Variants in PKNOX2 observed in about 807,000 individuals in gnomAD.
The protein encoded by PKNOX2 is homeobox protein PKNOX2.
Under a neutral mutation model 53.1 loss-of-function variants are expected in PKNOX2, and 14 were observed. The observed-to-expected ratio is 0.26, with a 90% confidence interval of 0.17 to 0.41. The LOEUF (loss-of-function observed/expected upper bound fraction) is 0.41. Among genes scored for constraint, PKNOX2 ranks in the 10% least tolerant of loss-of-function variants. The pLI is 1.00. For missense variants in PKNOX2, 496 were observed against 602.8 expected (o/e 0.82, Z 1.85); for synonymous variants, 257 against 242.8 (o/e 1.06, Z -0.54).
chr11:125,255,312 C>T (rs1207950951), intron 2 of PKNOX2, among the ~76,000 whole-genome samples: 2 of 152,178 alleles, frequency 1.3e-5, no homozygotes, highest in Non-Finnish European at 2.9e-5. Context: ...CGTGATGCCT[C>T]AAGACCCCTC....
At chr11:125,173,573 G>A (rs534727774) in intron 1 of PKNOX2, among the ~76,000 whole-genome samples, 20 of 152,316 alleles carry the variant, frequency 1.3e-4, no homozygotes, top group African/African-American at 4.6e-4. Flanking sequence ...GCAAATGCTG[G>A]GAAGAGCTAC....
intron 1 of PKNOX2, among the ~76,000 whole-genome samples, chr11:125,222,620 TGTATGTGTGTGTGTATGTGTGTGC>T (rs999458822): frequency 2.0e-5 from 3 of 147,760 alleles, no homozygotes; most frequent in African/African-American, 7.4e-5. Flanking sequence ...TGTATGTGTG[TGTATGTGTGTGTGTATGTGTGTGC>T]GTATGTGTGT....
At chr11:125,322,113 C>G (rs1196318372) in intron 2 of PKNOX2, among the ~76,000 whole-genome samples, 1 of 152,116 alleles carries the variant, frequency 6.6e-6, no homozygotes, top group South Asian at 2.1e-4. Flanking sequence ...CAGCCCCTGA[C>G]CTGGCGTCCT....
rs892131356 is a variant in PKNOX2, at chr11:125,283,830, C to T, written c.-129-47989C>T. The stretch of plus-strand genomic sequence containing the variant: ...CAGGATAGAAAGGTGCTTGCTAATT[C>T]GAGGCATTTCTGAAGGTGGGAAATC... On this transcript the variant is annotated intron_variant, in intron 2 of 12. Coordinates refer to ENST00000298282, the MANE Select transcript of PKNOX2 (RefSeq NM_001382323.2). Among the ~76,000 whole-genome samples, 12 of 152,212 alleles carry T rather than the reference C, an allele frequency of 7.9e-5. No homozygotes were observed. The Middle Eastern group carries it at 0.01, about 129-fold the overall frequency.
intron 2 of PKNOX2, among the ~76,000 whole-genome samples, chr11:125,322,901 T>C (rs1482267892): frequency 6.6e-6 from 1 of 152,190 alleles, no homozygotes; most frequent in African/African-American, 2.4e-5. Flanking sequence ...CAGTGAAGCA[T>C]AAACAAAAAG....
intron 7 of PKNOX2, among the ~76,000 whole-genome samples, chr11:125,405,137 C>G (rs921776261): frequency 4.6e-5 from 7 of 151,710 alleles, no homozygotes; most frequent in African/African-American, 1.7e-4. Context: ...CACCCACCCT[C>G]CCACACAATC....
chr11:125,300,056 G>A (rs188870524), intron 2 of PKNOX2, among the ~76,000 whole-genome samples: 13 of 152,336 alleles, frequency 8.5e-5, no homozygotes, highest in Middle Eastern at 3.4e-3. Context: ...TGGAGTCACC[G>A]GCCTGTCAAC....
chr11:125,363,740 G>C (rs1437087306), intron 4 of PKNOX2, among the ~76,000 whole-genome samples: 1 of 152,062 alleles, frequency 6.6e-6, no homozygotes, highest in African/African-American at 2.4e-5. Context: ...CTTGGAGTGG[G>C]TAAGATGAGT....
In PKNOX2 at chr11:125,165,290, A is replaced by T. The variant is rs1954774633; in HGVS notation, c.-201+514A>T. ...GGCGGGCGGGGAGCTGTGCGCCAGG[A>T]GCGCCAGGGGACCCGAGAATAGGAA... On this transcript the variant is annotated intron_variant, in intron 1 of 12. Coordinates refer to ENST00000298282, the MANE Select transcript of PKNOX2 (RefSeq NM_001382323.2). The surrounding 1 kb of genome is among the most constrained non-coding windows in gnomAD (Gnocchi z 4.5). Among the ~76,000 whole-genome samples, 1 of 151,858 alleles carries T rather than the reference A, an allele frequency of 6.6e-6. No individual in the cohort carries two copies. The highest frequency in any genetic ancestry group is 2.4e-5 in the African/African-American group (1 of 41,366).
chr11:125,169,843 C>T (rs1955150404), intron 1 of PKNOX2, among the ~76,000 whole-genome samples: 1 of 152,228 alleles, frequency 6.6e-6, no homozygotes, highest in Non-Finnish European at 1.5e-5. Flanking sequence ...CCTTGCATTA[C>T]ATCCTAGAAT....
Position 125,431,441 on chromosome 11 carries a change from CGGGAGG to C in PKNOX2, c.*50_*55del. ...TCACTGAGCAGGAGAGGAGTGTCGC[CGGGAGG>C]CCTTCAGGGTGGGGGGGAAGGGGAC... On this transcript the variant is annotated 3_prime_UTR_variant, in exon 13 of 13. Coordinates refer to ENST00000298282, the MANE Select transcript of PKNOX2 (RefSeq NM_001382323.2). The C allele has an allele frequency of 1.5e-6, 1 of 687,686 alleles. No homozygotes were observed. The highest frequency in any genetic ancestry group is 1.9e-6 in the Non-Finnish European group (1 of 533,184). The allele number at this position is 687,686 out of a possible 1,614,324, so 42.6% of individuals were successfully genotyped here.
At chr11:125,271,191 A>G (rs565978266) in intron 2 of PKNOX2, among the ~76,000 whole-genome samples, 31 of 152,136 alleles carry the variant, frequency 2.0e-4, no homozygotes, top group Non-Finnish European at 4.3e-4. Flanking sequence ...AGACTCTAGT[A>G]TATACTCTGG....
intron 5 of PKNOX2, 117 bp from the exon 6 acceptor site, chr11:125,385,434 A>G: frequency 8.5e-7 from 1 of 1,175,036 alleles, no homozygotes; most frequent in South Asian, 1.6e-5. Context: ...GTTATCAAGG[A>G]GTGGGACCTT....
intron 7 of PKNOX2, among the ~76,000 whole-genome samples, chr11:125,401,414 GTAT>G (rs1220571328): frequency 2.6e-5 from 4 of 152,176 alleles, no homozygotes; most frequent in African/African-American, 4.8e-5. Context: ...TGCTCCTGTT[GTAT>G]TACTCAAACT....
chr11:125,232,710 C>A (rs540848980), intron 1 of PKNOX2, among the ~76,000 whole-genome samples: 36 of 152,202 alleles, frequency 2.4e-4, no homozygotes, highest in Non-Finnish European at 4.4e-4. Flanking sequence ...GATCATTCAA[C>A]CCTCAGTTGG....
intron 10 of PKNOX2, among the ~76,000 whole-genome samples, chr11:125,419,458 A>C (rs1431879447): frequency 1.3e-5 from 2 of 151,694 alleles, no homozygotes; most frequent in African/African-American, 2.4e-5. Flanking sequence ...AAAAGAAAAA[A>C]AAAAAAAACA....
chr11:125,338,838 G>A (rs933093341), intron 3 of PKNOX2, among the ~76,000 whole-genome samples: 1 of 152,236 alleles, frequency 6.6e-6, no homozygotes, highest in African/African-American at 2.4e-5. Context: ...AGAGGGCAAA[G>A]TGAAGGCATG....
chr11:125,220,291 C>G lies in PKNOX2; in HGVS notation c.-200-14754C>G, dbSNP rs1222465172. On this transcript the variant is annotated intron_variant, in intron 1 of 12. Coordinates refer to ENST00000298282, the MANE Select transcript of PKNOX2 (RefSeq NM_001382323.2). ...ATTTTTGAGCCATGTTCCATATTAC[C>G]TTTTTAAAAGCAAAACAAAACACAA... 2.0e-5 allele frequency among the ~76,000 whole-genome samples: 3 copies of G among 152,116 alleles called. No homozygotes were observed. In the East Asian group the frequency reaches 5.8e-4, roughly 29 times the overall value.
At chr11:125,343,573 C>T (rs1263299607) in intron 3 of PKNOX2, among the ~76,000 whole-genome samples, 1 of 152,152 alleles carries the variant, frequency 6.6e-6, no homozygotes, top group African/African-American at 2.4e-5. Flanking sequence ...AAGAAGCAAG[C>T]AGTTGGATGA....
Sources: allele counts gnomAD v4.1 joint callset (sites outside exome capture counted in the v4.1 genomes callset), GRCh38; gene constraint gnomAD v4.1.1; non-coding constraint Gnocchi (gnomAD v3.1); transcripts MANE v1.5; gene names NCBI Gene and HGNC (gene_info 2026-07-23, HGNC 2026-07-21).